The following STAB2 variants were observed in gnomAD, a reference collection of about 807,000 sequenced individuals.
STAB2 encodes the protein stabilin 2.
In STAB2, 288 loss-of-function variants were observed where a neutral mutation model predicts 338.1. That is an observed-to-expected ratio of 0.85 (90% CI 0.77 to 0.94). STAB2 has a LOEUF of 0.94. Ranked by LOEUF, STAB2 falls within the 40% of genes least tolerant of loss-of-function variation. The pLI, the probability that STAB2 is intolerant of heterozygous loss-of-function variation, is 0.00. For missense variants in STAB2, 3,141 were observed against 3,210.1 expected (o/e 0.98, Z 0.52); for synonymous variants, 1,202 against 1,193.3 (o/e 1.01, Z -0.15).
At chr12:103,614,870 G>T (rs1329210746) in intron 3 of STAB2, among the ~76,000 whole-genome samples, 1 of 152,208 alleles carries the variant, frequency 6.6e-6, no homozygotes, top group East Asian at 1.9e-4. Flanking sequence ...GGAATTACCT[G>T]CCATGCCTAT....
chr12:103,739,554 T>C, intron 54 of STAB2, 86 bp downstream of exon 54: 1 of 912,892 alleles, frequency 1.1e-6, no homozygotes. Flanking sequence ...TGTGTGTGTG[T>C]GTGTGTGTGT....
chr12:103,715,890 TG>T lies in STAB2; in HGVS notation c.4611+3del. The T allele has an allele frequency of 6.2e-7, 1 of 1,613,710 alleles. No individual in the cohort carries two copies. Among genetic ancestry groups the T allele is most frequent in the Non-Finnish European group, 8.5e-7 (1 of 1,179,824 alleles). ...TGCACACAGACAGGACCCAACCAGG[TG>T]AGTGCCACCTCTCCCAGGCCCTTAG... On this transcript the variant is annotated splice_donor_region_variant and intron_variant, in intron 43 of 68. Transcript: ENST00000388887.
At chr12:103,658,574 G>T (rs1384110269) in intron 15 of STAB2, among the ~76,000 whole-genome samples, 1 of 152,100 alleles carries the variant, frequency 6.6e-6, no homozygotes, top group African/African-American at 2.4e-5. Context: ...TCAGAAGACT[G>T]GAAGGAATCC....
intron 42 of STAB2, among the ~76,000 whole-genome samples, chr12:103,714,432 G>T (rs371195993): frequency 6.6e-6 from 1 of 152,258 alleles, no homozygotes; most frequent in East Asian, 1.9e-4. Context: ...GGGCGCAGTG[G>T]CTCACACCTC....
Position 103,761,316 on chromosome 12 carries a change from T to C in STAB2, c.7265T>C (p.Val2422Ala), listed in dbSNP as rs1321809361. The change falls in exon 66 of 69, where the codon GTT becomes GCT. Residue 2422 changes from valine (V) to alanine (A), a missense_variant. By Grantham distance (64) the Val-to-Ala change is moderately conservative. Transcript: ENST00000388887. ...TTTCCCTAGACGGAGACCAGGTTTG[T>C]TGATGGAAGAGCCATTCTGCAGTGG... ...DPLQPTETRF[V>A]DGRAILQWDI... 6.2e-7 allele frequency: 1 copy of C among 1,613,910 alleles called. No individual in the cohort carries two copies.
intron 3 of STAB2, among the ~76,000 whole-genome samples, chr12:103,595,344 CTTTG>C (rs1227482132): frequency 6.6e-6 from 1 of 151,280 alleles, no homozygotes; most frequent in African/African-American, 2.4e-5. Flanking sequence ...TTCTCTTTTG[CTTTG>C]TTTTTTTTTC....
At chr12:103,679,594 G>C (rs563093605) in intron 25 of STAB2, among the ~76,000 whole-genome samples, 56 of 152,196 alleles carry the variant, frequency 3.7e-4, no homozygotes, top group Non-Finnish European at 6.3e-4. Context: ...TTCTCGGGGA[G>C]TGACAGTTGG....
chr12:103,687,169 C>T (rs1221571021), intron 27 of STAB2, among the ~76,000 whole-genome samples: 1 of 152,122 alleles, frequency 6.6e-6, no homozygotes, highest in Non-Finnish European at 1.5e-5. Context: ...TATTAATGCA[C>T]TTAATTTTCA....
intron 8 of STAB2, 43 bp from the exon 9 acceptor site, chr12:103,640,080 C>A: frequency 1.3e-6 from 2 of 1,555,510 alleles, no homozygotes; most frequent in Non-Finnish European, 8.7e-7. Context: ...GCTGAAGTAA[C>A]TAACTAGGAT....
Position 103,743,451 on chromosome 12 carries a change from G to A in STAB2, c.6031+897G>A, listed in dbSNP as rs147125693. On this transcript the variant is annotated intron_variant, in intron 56 of 68. Coordinates refer to ENST00000388887, the MANE Select transcript of STAB2 (RefSeq NM_017564.10). ...AAAGGATATAAAAGCAAAGAAGCAG[G>A]TAGAAGGGTGAAGAATGAAAGGAGA... is the stretch of plus-strand genomic sequence containing the variant. Among the ~76,000 whole-genome samples, 71 of 152,304 alleles carry A rather than the reference G, an allele frequency of 4.7e-4. 1 individual carries two copies. The highest frequency in any genetic ancestry group is 6.8e-3 in the Middle Eastern group (2 of 294).
At chr12:103,732,945 C>A (rs868837087) in intron 50 of STAB2, 61 bp from the exon 51 acceptor site, 8 of 1,573,344 alleles carry the variant, frequency 5.1e-6, no homozygotes, top group Middle Eastern at 1.9e-4. Flanking sequence ...AGAGACAGAA[C>A]CCCTGCCCAC....
chr12:103,737,600 CTT>C (rs577737165), intron 52 of STAB2, 32 bp from the exon 53 acceptor site: 16,711 of 1,113,100 alleles, frequency 0.015, 80 homozygotes, highest in Admixed American at 0.056. Flanking sequence ...CTCTCTCTCT[CTT>C]TCTCTTTTTT....
At chr12:103,659,180 T>C (rs185738430) in intron 15 of STAB2, among the ~76,000 whole-genome samples, 151 of 152,320 alleles carry the variant, frequency 9.9e-4, no homozygotes, top group African/African-American at 3.3e-3. Context: ...CTAATAGATA[T>C]GGTGGCCACA....
At chr12:103,696,484 A>G (rs1264080965) in intron 33 of STAB2, among the ~76,000 whole-genome samples, 1 of 152,144 alleles carries the variant, frequency 6.6e-6, no homozygotes, top group African/African-American at 2.4e-5. Context: ...ATAAATTATG[A>G]TCAGCTTATG....
Position 103,624,041 on chromosome 12 carries a change from G to A in STAB2, c.487+1930G>A, listed in dbSNP as rs138229656. 2.8e-3 allele frequency among the ~76,000 whole-genome samples: 431 copies of A among 152,286 alleles called. 2 individuals are homozygous for A. Among genetic ancestry groups the A allele is most frequent in the African/African-American group, 9.5e-3 (395 of 41,566 alleles). On this transcript the variant is annotated intron_variant, in intron 5 of 68. Coordinates refer to ENST00000388887, the MANE Select transcript of STAB2 (RefSeq NM_017564.10). The stretch of plus-strand genomic sequence containing the variant: ...CAACACCACTTGGGCCCTGACTTTC[G>A]TGGAAAAATTAAACTCAGTGGAAAA...
chr12:103,652,718 C>T lies in STAB2; in HGVS notation c.1407+13C>T. ...CAACAGCGATAAGGTAAGGGTTCCT[C>T]TGATTTTCACTCCCAGAACTAAATT... On this transcript the variant is annotated intron_variant, in intron 12 of 68. Transcript: ENST00000388887. 6.4e-7 allele frequency: 1 copy of T among 1,559,108 alleles called. No individual in the cohort carries two copies. The highest frequency in any genetic ancestry group is 8.7e-7 in the Non-Finnish European group (1 of 1,153,446).
intron 2 of STAB2, 87 bp from the exon 3 acceptor site, chr12:103,594,308 C>A: frequency 1.0e-6 from 1 of 965,656 alleles, no homozygotes; most frequent in Non-Finnish European, 1.6e-6. Flanking sequence ...AATATTAAGA[C>A]CTAAATTGAA....
At chr12:103,714,835 C>T (rs1880180538) in intron 42 of STAB2, among the ~76,000 whole-genome samples, 1 of 152,112 alleles carries the variant, frequency 6.6e-6, no homozygotes, top group Non-Finnish European at 1.5e-5. Flanking sequence ...TAAGGATAGC[C>T]TCTTACGTAA....
intron 55 of STAB2, among the ~76,000 whole-genome samples, chr12:103,741,972 C>A (rs1056844400): frequency 6.6e-6 from 1 of 152,208 alleles, no homozygotes; most frequent in African/African-American, 2.4e-5. Flanking sequence ...AAATCAGTAT[C>A]ATTCTAATAT....
Sources: gnomAD v4.1 joint callset for allele counts (sites outside exome capture counted in the v4.1 genomes callset) on GRCh38, gnomAD v4.1.1 for gene constraint, MANE v1.5 for transcripts, NCBI Gene and HGNC (gene_info 2026-07-23, HGNC 2026-07-21) for gene names.